Variants in NTM observed in about 807,000 individuals in gnomAD.
NTM encodes the protein IgLON family member 2.
Under a neutral mutation model 42.1 loss-of-function variants are expected in NTM, and 13 were observed. The ratio of observed to expected loss-of-function variants is 0.31; its 90% confidence interval spans 0.20 to 0.49. NTM has a LOEUF of 0.49. Ranked by LOEUF, NTM falls within the 20% of genes least tolerant of loss-of-function variation. The pLI is 0.99. For synonymous variants in NTM, 187 were observed against 179.2 expected, an observed-to-expected ratio of 1.04 and a Z score of -0.35; for missense variants, 373 against 452.8, an observed-to-expected ratio of 0.82 and a Z score of 1.60.
chr11:131,942,626 G>A (rs888714040), intron 2 of NTM, among the ~76,000 whole-genome samples: 2 of 152,096 alleles, frequency 1.3e-5, no homozygotes, highest in Non-Finnish European at 2.9e-5. Flanking sequence ...CAGAAGGGGG[G>A]CCATTTGTCT....
intron 1 of NTM, among the ~76,000 whole-genome samples, chr11:131,556,365 C>A (rs541831856): frequency 6.6e-6 from 1 of 152,114 alleles, no homozygotes; most frequent in East Asian, 1.9e-4. Context: ...ACATGAAAAG[C>A]AGAGTATTAT....
chr11:131,491,148 A>T (rs1954738838), intron 1 of NTM, among the ~76,000 whole-genome samples: 1 of 152,168 alleles, frequency 6.6e-6, no homozygotes, highest in Non-Finnish European at 1.5e-5. Flanking sequence ...CATCCTAAGA[A>T]TTTCTATAAC....
intron 2 of NTM, among the ~76,000 whole-genome samples, chr11:132,061,859 AT>A (rs1399809122): frequency 1.3e-5 from 2 of 151,838 alleles, no homozygotes; most frequent in Admixed American, 6.6e-5. Context: ...TTTTTTAAAG[AT>A]TTTTTTAAAA....
At chr11:132,117,982 A>T (rs866590566) in intron 2 of NTM, among the ~76,000 whole-genome samples, 8 of 152,200 alleles carry the variant, frequency 5.3e-5, no homozygotes, top group South Asian at 2.1e-4. Context: ...CCTTGGGACC[A>T]ATGACTCCGC....
At chr11:132,273,097 G>GT (rs201014714) in intron 4 of NTM, among the ~76,000 whole-genome samples, 599 of 151,610 alleles carry the variant, frequency 4.0e-3, no homozygotes, top group South Asian at 0.014. Context: ...TTTGTTGTGT[G>GT]TTTTTTTTAT....
chr11:132,154,483 T>G (rs1420434793), intron 3 of NTM, among the ~76,000 whole-genome samples: 1 of 152,220 alleles, frequency 6.6e-6, no homozygotes, highest in African/African-American at 2.4e-5. Flanking sequence ...TGTCTTACAT[T>G]TGAATTTGTA....
intron 8 of NTM, 119 bp downstream of exon 8, chr11:132,330,304 C>T (rs2095777731): frequency 2.9e-6 from 3 of 1,049,184 alleles, no homozygotes; most frequent in East Asian, 2.6e-5. Flanking sequence ...CAGAGGGAAC[C>T]CTCCCCCAAC....
At position 131,755,066 on chromosome 11, in the gene NTM, C is replaced by G. The variant is rs116703854; in HGVS notation, c.83-156498C>G. 3.0e-3 allele frequency among the ~76,000 whole-genome samples: 451 copies of G among 152,224 alleles called. 2 individuals carry two copies. Among genetic ancestry groups the G allele is most frequent in the African/African-American group, 0.011 (439 of 41,532 alleles). Reference sequence around the variant, plus strand: ...AGCCTTGGGTATTGATGGCAGGAAGCATGAGGTAACTTTCTGGGACAGTGA... The same window carrying G: ...AGCCTTGGGTATTGATGGCAGGAAGGATGAGGTAACTTTCTGGGACAGTGA... On this transcript the variant is annotated intron_variant, in intron 1 of 8. Transcript: ENST00000683400.
chr11:131,473,983 A>C (rs1381137159), intron 1 of NTM, among the ~76,000 whole-genome samples: 2 of 152,188 alleles, frequency 1.3e-5, no homozygotes, highest in Non-Finnish European at 1.5e-5. Context: ...TTCTTCTGAC[A>C]ATGGTCTTAT....
chr11:131,924,605 T>C (rs1360366807), intron 2 of NTM, among the ~76,000 whole-genome samples: 1 of 152,016 alleles, frequency 6.6e-6, no homozygotes, highest in Non-Finnish European at 1.5e-5. Flanking sequence ...CCTTTCTCCT[T>C]AGACCATCTG....
At chr11:131,480,615 A>G (rs891357679) in intron 1 of NTM, among the ~76,000 whole-genome samples, 2 of 152,216 alleles carry the variant, frequency 1.3e-5, no homozygotes, top group African/African-American at 4.8e-5. Flanking sequence ...AAGCAGTATG[A>G]TAAAAGGGAT....
intron 1 of NTM, among the ~76,000 whole-genome samples, chr11:131,810,620 G>A (rs1030850601): frequency 1.3e-5 from 2 of 152,184 alleles, no homozygotes; most frequent in African/African-American, 4.8e-5. Flanking sequence ...GCTGGGTCCA[G>A]AGAACCCTCT....
intron 2 of NTM, among the ~76,000 whole-genome samples, chr11:132,070,819 C>T (rs2057487170): frequency 7.0e-6 from 1 of 143,156 alleles, no homozygotes; most frequent in Non-Finnish European, 1.5e-5. Flanking sequence ...GGTTAGTTAA[C>T]ACGTCACACA....
At chr11:132,083,991 T>TAA (rs200817671) in intron 2 of NTM, among the ~76,000 whole-genome samples, 1 of 151,252 alleles carries the variant, frequency 6.6e-6, no homozygotes, top group Non-Finnish European at 1.5e-5. Flanking sequence ...AAGCAAAAGT[T>TAA]AAAAAAAAAG....
chr11:132,258,798 A>G (rs1345086211), intron 4 of NTM, among the ~76,000 whole-genome samples: 2 of 152,222 alleles, frequency 1.3e-5, no homozygotes, highest in African/African-American at 4.8e-5. Context: ...GACTTTGTCA[A>G]AAATTCATAA....
intron 4 of NTM, among the ~76,000 whole-genome samples, chr11:132,296,761 C>T (rs1486610507): frequency 6.6e-6 from 1 of 152,128 alleles, no homozygotes; most frequent in Non-Finnish European, 1.5e-5. Flanking sequence ...CTTTTCCTTC[C>T]CATACACCGT....
intron 1 of NTM, among the ~76,000 whole-genome samples, chr11:131,829,617 T>C (rs2042559617): frequency 6.6e-6 from 1 of 152,188 alleles, no homozygotes; most frequent in African/African-American, 2.4e-5. Flanking sequence ...CCTATGTCTT[T>C]GCTATTGTGA....
At chr11:131,491,129 C>T (rs1306330660) in intron 1 of NTM, among the ~76,000 whole-genome samples, 1 of 149,268 alleles carries the variant, frequency 6.7e-6, no homozygotes, top group Non-Finnish European at 1.5e-5. Context: ...CAAAGTTTTT[C>T]AAGACCAACA....
At chr11:131,865,674 ACACT>A (rs1215269774) in intron 1 of NTM, among the ~76,000 whole-genome samples, 17 of 152,034 alleles carry the variant, frequency 1.1e-4, no homozygotes, top group Admixed American at 5.9e-4. Flanking sequence ...CACTACACAC[ACACT>A]CACATACACA....
Sources: allele counts gnomAD v4.1 joint callset (sites outside exome capture counted in the v4.1 genomes callset), GRCh38; gene constraint gnomAD v4.1.1; transcripts MANE v1.5; gene names NCBI Gene and HGNC (gene_info 2026-07-23, HGNC 2026-07-21).